Variants in OPCML observed in about 807,000 individuals in gnomAD.
OPCML encodes the protein opioid binding protein/cell adhesion molecule like.
OPCML carries 13 observed loss-of-function variants against 37.8 expected under a neutral mutation model. The observed-to-expected ratio is 0.34, with a 90% CI of 0.22 to 0.55. The LOEUF (loss-of-function observed/expected upper bound fraction) is 0.55, where lower values mean the gene tolerates loss of function less well. Ranked by LOEUF, OPCML falls within the 20% of genes least tolerant of loss-of-function variation. The pLI, the probability that OPCML is intolerant of heterozygous loss-of-function variation, is 0.91. For missense variants in OPCML, 341 were observed against 435.6 expected, an observed-to-expected ratio of 0.78 and a Z score of 1.93; for synonymous variants, 176 against 168.8, an observed-to-expected ratio of 1.04 and a Z score of -0.33.
intron 1 of OPCML, among the ~76,000 whole-genome samples, chr11:133,431,644 T>C (rs1315402898): frequency 6.6e-6 from 1 of 151,826 alleles, no homozygotes; most frequent in African/African-American, 2.4e-5. Flanking sequence ...TTTGTATTTT[T>C]AGTAGAGACG....
chr11:133,314,362 A>G (rs188415939), intron 1 of OPCML, among the ~76,000 whole-genome samples: 1 of 151,606 alleles, frequency 6.6e-6, no homozygotes, highest in Non-Finnish European at 1.5e-5. Context: ...TCTAAACTTC[A>G]TGTCAAAATT....
chr11:133,291,314 C>T (rs1323405669), intron 1 of OPCML, among the ~76,000 whole-genome samples: 1 of 152,198 alleles, frequency 6.6e-6, no homozygotes, highest in Non-Finnish European at 1.5e-5. Flanking sequence ...GGGTGTCTGT[C>T]GGTTAAAGAG....
chr11:133,155,187 C>T (rs1457535374), intron 1 of OPCML, among the ~76,000 whole-genome samples: 1 of 152,136 alleles, frequency 6.6e-6, no homozygotes, highest in African/African-American at 2.4e-5. Flanking sequence ...TGCCTCCATC[C>T]CTGCTTTCAT....
intron 1 of OPCML, among the ~76,000 whole-genome samples, chr11:133,437,527 C>T (rs1420273776): frequency 6.6e-6 from 1 of 152,116 alleles, no homozygotes; most frequent in African/African-American, 2.4e-5. Context: ...CACACCTCAG[C>T]CAACCGACTC....
chr11:133,001,934 G>A lies in OPCML; in HGVS notation c.62-58924C>T, dbSNP rs550557452. Among the ~76,000 whole-genome samples the A allele has an allele frequency of 2.6e-5, 4 of 152,282 alleles. No homozygotes were observed. In the South Asian group the frequency reaches 6.2e-4, roughly 24 times the overall value. ...AGCAGCTATTGCCATAAGTGCCTTT[G>A]TAGCTATGAGTAATAACTGTCATCT... On this transcript the variant is annotated intron_variant, in intron 1 of 7. Transcript: ENST00000524381.
chr11:132,420,932 A>T (rs1374638113), intron 7 of OPCML, among the ~76,000 whole-genome samples: 1 of 152,126 alleles, frequency 6.6e-6, no homozygotes, highest in Non-Finnish European at 1.5e-5. Context: ...TGCCCAAAAC[A>T]GACTGCCCCT....
intron 2 of OPCML, among the ~76,000 whole-genome samples, chr11:132,895,035 A>G (rs1169781666): frequency 6.6e-6 from 1 of 152,230 alleles, no homozygotes; most frequent in African/African-American, 2.4e-5. Flanking sequence ...TGCAGATTTT[A>G]GTACCAACAG....
intron 4 of OPCML, among the ~76,000 whole-genome samples, chr11:132,497,842 A>G (rs1157182426): frequency 6.6e-6 from 1 of 152,168 alleles, no homozygotes; most frequent in Non-Finnish European, 1.5e-5. Flanking sequence ...GAAGAAAACC[A>G]CAATGCTATA....
chr11:132,858,590 G>C (rs1043794984), intron 2 of OPCML, among the ~76,000 whole-genome samples: 1 of 145,360 alleles, frequency 6.9e-6, no homozygotes. Context: ...CTTTCTTCCC[G>C]GGGGGTGAGG....
chr11:133,457,904 T>G (rs1946706630), intron 1 of OPCML, among the ~76,000 whole-genome samples: 1 of 152,076 alleles, frequency 6.6e-6, no homozygotes, highest in Non-Finnish European at 1.5e-5. Context: ...CCCAACACTT[T>G]GGGAGGCCTA....
chr11:132,661,145 C>A (rs1941959885), intron 2 of OPCML, among the ~76,000 whole-genome samples: 1 of 152,052 alleles, frequency 6.6e-6, no homozygotes, highest in Admixed American at 6.6e-5. Flanking sequence ...GCCTGTGTGT[C>A]CCTTGGGTAA....
At chr11:132,776,697 C>T (rs1176579371) in intron 2 of OPCML, among the ~76,000 whole-genome samples, 1 of 152,070 alleles carries the variant, frequency 6.6e-6, no homozygotes, top group Non-Finnish European at 1.5e-5. Context: ...CTTGTACAGC[C>T]TGCAGAACCA....
intron 4 of OPCML, among the ~76,000 whole-genome samples, chr11:132,501,380 T>G (rs946371366): frequency 3.9e-5 from 6 of 152,190 alleles, no homozygotes; most frequent in Non-Finnish European, 5.9e-5. Context: ...AATTGACAAA[T>G]GGGATGGTTC....
At chr11:133,445,347 C>T (rs1193745356) in intron 1 of OPCML, among the ~76,000 whole-genome samples, 1 of 152,214 alleles carries the variant, frequency 6.6e-6, no homozygotes. Context: ...TTGACATGAG[C>T]TTATGCCATG....
chr11:132,502,902 T>G (rs1244719688), intron 4 of OPCML, among the ~76,000 whole-genome samples: 1 of 152,154 alleles, frequency 6.6e-6, no homozygotes, highest in Non-Finnish European at 1.5e-5. Context: ...GTGCCTCTAG[T>G]GGATTCTGGT....
rs1380976248 is a variant in OPCML at position 132,480,378 on chromosome 11, CA to C, written c.506-43020del. Among the ~76,000 whole-genome samples the C allele has an allele frequency of 3.9e-5, 6 of 152,154 alleles. No individual in the cohort carries two copies. The East Asian group carries it at 1.2e-3, about 29-fold the overall frequency. ...GAAATATGGGACTATGTGAAAAGAC[CA>C]AATCTACGTCTGATTGGTGTACCTG... is the stretch of plus-strand genomic sequence containing the variant. On this transcript the variant is annotated intron_variant, in intron 4 of 7. Transcript: ENST00000524381.
At chr11:133,239,867 G>A (rs1480385410) in intron 1 of OPCML, among the ~76,000 whole-genome samples, 1 of 152,178 alleles carries the variant, frequency 6.6e-6, no homozygotes, top group Non-Finnish European at 1.5e-5. Flanking sequence ...GGCTGGGTGT[G>A]TGTGCTCGCA....
At chr11:133,150,674 C>T (rs185454439) in intron 1 of OPCML, among the ~76,000 whole-genome samples, 2 of 152,280 alleles carry the variant, frequency 1.3e-5, no homozygotes, top group Middle Eastern at 3.4e-3. Flanking sequence ...TGTGCAGTGT[C>T]GGCAAAGGTG....
At chr11:133,065,832 C>T (rs982735833) in intron 1 of OPCML, 16 of 152,662 alleles carry the variant, frequency 1.0e-4, no homozygotes, top group African/African-American at 3.9e-4. Context: ...GCTGCGCACG[C>T]TTCCTGCCAA....
Sources: allele counts gnomAD v4.1 joint callset (sites outside exome capture counted in the v4.1 genomes callset), GRCh38; gene constraint gnomAD v4.1.1; transcripts MANE v1.5; gene names NCBI Gene and HGNC (gene_info 2026-07-23, HGNC 2026-07-21).